Variants in MGAT4C observed in about 807,000 individuals in gnomAD.
MGAT4C encodes the protein alpha-1,3-mannosyl-glycoprotein 4-beta-N-acetylglucosaminyltransferase C.
A neutral mutation model predicts 40.1 loss-of-function variants in MGAT4C; 19 were observed. The ratio of observed to expected loss-of-function variants is 0.47; its 90% CI spans 0.33 to 0.70. MGAT4C has a LOEUF of 0.70. Among genes scored for constraint, MGAT4C ranks in the 30% least tolerant of loss-of-function variants. MGAT4C has a pLI of 0.02. For synonymous variants in MGAT4C, 181 were observed against 187.1 expected (o/e 0.97, Z 0.27); for missense variants, 491 against 563.2 (o/e 0.87, Z 1.30).
chr12:86,492,507 C>G (rs1322557140), intron 2 of MGAT4C, among the ~76,000 whole-genome samples: 1 of 152,162 alleles, frequency 6.6e-6, no homozygotes, highest in Non-Finnish European at 1.5e-5. Flanking sequence ...CTACAGCTAT[C>G]TGATCTTTGA....
chr12:86,149,585 A>G (rs1884009691), intron 1 of MGAT4C, among the ~76,000 whole-genome samples: 1 of 152,214 alleles, frequency 6.6e-6, no homozygotes, highest in African/African-American at 2.4e-5. Flanking sequence ...TTAGCATGCC[A>G]TAGCTATGAA....
At chr12:86,408,479 C>CTATATG (rs1555185094) in intron 3 of MGAT4C, among the ~76,000 whole-genome samples, 1 of 63,344 alleles carries the variant, frequency 1.6e-5, no homozygotes, top group East Asian at 5.6e-4. Context: ...CTCTCTCTCT[C>CTATATG]TATATATATA....
In MGAT4C at chr12:86,527,630, T is replaced by C. The variant is rs79002440; in HGVS notation, c.-228-92365A>G. 3.4e-3 allele frequency among the ~76,000 whole-genome samples: 513 copies of C among 152,306 alleles called. 1 individual carries two copies. The highest frequency in any genetic ancestry group is 0.012 in the African/African-American group (496 of 41,584). On this transcript the variant is annotated intron_variant, in intron 2 of 7. Transcript: ENST00000548651. ...ATTAATTCTTCCAATCCATAAGCAT[T>C]GAATATCTTTCCATTTTTGGTGTGT... is the stretch of plus-strand genomic sequence containing the variant.
chr12:86,111,017 A>G lies in MGAT4C; in HGVS notation c.-56-61294T>C, dbSNP rs538123022. Reference sequence around the variant, plus strand: ...AATTATTTTTATTTCATTTTAAAATATAAGCAGTAGAACACTTTGCTTTAA... The same window carrying G: ...AATTATTTTTATTTCATTTTAAAATGTAAGCAGTAGAACACTTTGCTTTAA... On this transcript the variant is annotated intron_variant, in intron 1 of 4. Coordinates refer to ENST00000611864, the MANE Select transcript of MGAT4C (RefSeq NM_001351288.2). Among the ~76,000 whole-genome samples the G allele has an allele frequency of 5.9e-5, 9 of 151,938 alleles. No homozygotes were observed. In the East Asian group the frequency reaches 1.7e-3, roughly 29 times the overall value.
intron 4 of MGAT4C, among the ~76,000 whole-genome samples, chr12:85,981,218 G>A (rs1223168725): frequency 6.6e-6 from 1 of 152,064 alleles, no homozygotes; most frequent in African/African-American, 2.4e-5. Flanking sequence ...AATTAGATAT[G>A]TTTAGAGAAT....
At chr12:86,266,727 C>T (rs988050389) in intron 4 of MGAT4C, among the ~76,000 whole-genome samples, 1 of 151,960 alleles carries the variant, frequency 6.6e-6, no homozygotes, top group African/African-American at 2.4e-5. Flanking sequence ...GTTCTTCATA[C>T]CTTTGGTAGA....
At chr12:86,122,195 A>G (rs1418460168) in intron 1 of MGAT4C, among the ~76,000 whole-genome samples, 1 of 152,190 alleles carries the variant, frequency 6.6e-6, no homozygotes, top group Non-Finnish European at 1.5e-5. Flanking sequence ...ACTTCATTGT[A>G]TATAAGTTAT....
chr12:86,811,019 G>T (rs1199449522), intron 1 of MGAT4C, among the ~76,000 whole-genome samples: 1 of 64,336 alleles, frequency 1.6e-5, no homozygotes, highest in Non-Finnish European at 4.3e-5. Context: ...TTTGAGACTA[G>T]TCCTTGTCAA....
At position 86,648,782 on chromosome 12, in the gene MGAT4C, T is replaced by C. The variant is rs555514288; in HGVS notation, c.-229+78427A>G. Among the ~76,000 whole-genome samples the C allele has an allele frequency of 1.1e-4, 16 of 152,018 alleles. No homozygotes were observed. In the East Asian group the frequency reaches 2.9e-3, roughly 28 times the overall value. ...CATTTTAATCTAATTATGATCATATTGTAGTGTACAAGGTAAATTGTTTAT... is the reference window on the plus strand; with the variant it reads ...CATTTTAATCTAATTATGATCATATCGTAGTGTACAAGGTAAATTGTTTAT... On this transcript the variant is annotated intron_variant, in intron 2 of 7. Transcript: ENST00000548651.
intron 2 of MGAT4C, among the ~76,000 whole-genome samples, chr12:86,628,704 T>A (rs770304191): frequency 3.3e-5 from 5 of 152,072 alleles, no homozygotes; most frequent in Non-Finnish European, 7.4e-5. Context: ...GCTGAGAGGT[T>A]TTGTCACCAC....
At position 86,485,437 on chromosome 12, in the gene MGAT4C, T is replaced by C. The variant is rs1958003774; in HGVS notation, c.-228-50172A>G. Among the ~76,000 whole-genome samples, 3 of 152,128 alleles carry C rather than the reference T, an allele frequency of 2.0e-5. No individual in the cohort carries two copies. The South Asian group carries it at 6.2e-4, about 31-fold the overall frequency. Reference sequence around the variant, plus strand: ...AAAAATCACTACAAGAATTTCATAATATAGCCTGTAGCATAAATAGCAGAA... The same window carrying C: ...AAAAATCACTACAAGAATTTCATAACATAGCCTGTAGCATAAATAGCAGAA... On this transcript the variant is annotated intron_variant, in intron 2 of 7. Transcript: ENST00000548651.
chr12:86,589,606 A>T (rs1961233242), intron 2 of MGAT4C, among the ~76,000 whole-genome samples: 1 of 152,058 alleles, frequency 6.6e-6, no homozygotes, highest in African/African-American at 2.4e-5. Flanking sequence ...ACCAAAAAAG[A>T]GAATTTTAGA....
At chr12:86,203,120 T>C (rs60096238) in intron 1 of MGAT4C, among the ~76,000 whole-genome samples, 1 of 152,016 alleles carries the variant, frequency 6.6e-6, no homozygotes, top group Non-Finnish European at 1.5e-5. Context: ...AAAGGAGAGA[T>C]AATTTCTTTC....
intron 1 of MGAT4C, among the ~76,000 whole-genome samples, chr12:86,192,527 C>T (rs976028296): frequency 2.6e-5 from 4 of 152,144 alleles, no homozygotes; most frequent in South Asian, 4.1e-4. Flanking sequence ...CCATCACCCA[C>T]CTTGCTTGTA....
intron 3 of MGAT4C, among the ~76,000 whole-genome samples, chr12:86,405,214 C>T (rs1045358400): frequency 6.6e-6 from 1 of 151,890 alleles, no homozygotes; most frequent in Non-Finnish European, 1.5e-5. Flanking sequence ...AAAACTGTTC[C>T]TACTTGAAGA....
intron 2 of MGAT4C, among the ~76,000 whole-genome samples, chr12:86,683,917 G>A (rs987502216): frequency 1.3e-5 from 2 of 152,118 alleles, no homozygotes; most frequent in African/African-American, 4.8e-5. Flanking sequence ...CTTGTGCCCT[G>A]TATTGGATAT....
chr12:86,822,173 A>G (rs1031998671), intron 1 of MGAT4C, among the ~76,000 whole-genome samples: 2 of 151,026 alleles, frequency 1.3e-5, no homozygotes, highest in African/African-American at 2.4e-5. Flanking sequence ...CACCACACAC[A>G]TTAAAGAAAA....
Position 85,955,853 on chromosome 12 carries a change from A to T in MGAT4C, c.*23436T>A, listed in dbSNP as rs2136632561. 1 of 152,316 alleles carries T rather than the reference A, an allele frequency of 6.6e-6. No homozygotes were observed. The highest frequency in any genetic ancestry group is 2.1e-4 in the South Asian group (1 of 4,832). 9.4% of individuals were successfully genotyped at this position (152,316 alleles called of 1,614,324 possible). A position where few individuals can be genotyped will look rare whatever the true frequency, so the allele number is the denominator to read the frequency against. Reference sequence around the variant, plus strand: ...AAGGTTTACAATAACTATTTGTGCTAGCTAATGAAGAAACCTCTAGATAAT... The same window carrying T: ...AAGGTTTACAATAACTATTTGTGCTTGCTAATGAAGAAACCTCTAGATAAT... On this transcript the variant is annotated 3_prime_UTR_variant, in exon 5 of 5. Transcript: ENST00000611864.
At chr12:86,163,457 G>T (rs1017397290) in intron 1 of MGAT4C, among the ~76,000 whole-genome samples, 10 of 152,118 alleles carry the variant, frequency 6.6e-5, no homozygotes, top group African/African-American at 2.4e-4. Context: ...CTCCAAAACT[G>T]CTGGGATGAT....
Sources: gnomAD v4.1 joint callset for allele counts (sites outside exome capture counted in the v4.1 genomes callset) on GRCh38, gnomAD v4.1.1 for gene constraint, MANE v1.5 for transcripts, NCBI Gene and HGNC (gene_info 2026-07-23, HGNC 2026-07-21) for gene names.